NPEPL1: variants seen among roughly 807,000 people sequenced by gnomAD.
The protein encoded by NPEPL1 is aminopeptidase like 1, also known as probable aminopeptidase NPEPL1.
Under a neutral mutation model 52.4 loss-of-function variants are expected in NPEPL1, and 45 were observed. That is an observed-to-expected ratio of 0.86 (90% CI 0.68 to 1.10). NPEPL1 has a LOEUF of 1.10. Ranked by LOEUF, NPEPL1 falls within the 50% of genes least tolerant of loss-of-function variation. NPEPL1 has a pLI of 0.00. For missense variants in NPEPL1, 696 were observed against 710.9 expected (o/e 0.98, Z 0.24); for synonymous variants, 360 against 314.7 (o/e 1.14, Z -1.52).
chr20:58,712,179 G>C (rs2084862282), intron 7 of NPEPL1, among the ~76,000 whole-genome samples: 1 of 152,170 alleles, frequency 6.6e-6, no homozygotes, highest in East Asian at 1.9e-4. Context: ...GGTTGGCGAG[G>C]CTTCATGACT....
At chr20:58,714,712 C>T (rs1454682600) in intron 11 of NPEPL1, 42 bp downstream of exon 11, 8 of 1,471,452 alleles carry the variant, frequency 5.4e-6, no homozygotes, top group African/African-American at 2.8e-5. Context: ...TGCTCCCGCC[C>T]GCTTGTCCAA....
chr20:58,710,691 G>C lies in NPEPL1; in HGVS notation c.901-1788G>C, dbSNP rs141100454. 3.3e-3 allele frequency: 507 copies of C among 152,588 alleles called. 3 individuals are homozygous for C. Among genetic ancestry groups the C allele is most frequent in the African/African-American group, 0.012 (481 of 41,594 alleles). 9.5% of individuals were successfully genotyped at this position (152,588 alleles called of 1,614,324 possible). A position where few individuals can be genotyped will look rare whatever the true frequency, so the allele number is the denominator to read the frequency against. Reference sequence around the variant, plus strand: ...AACTGTGCCAGGTAACACCCAGGAAGTGTGTGAACATTGACAGCTCCAGGG... The same window carrying C: ...AACTGTGCCAGGTAACACCCAGGAACTGTGTGAACATTGACAGCTCCAGGG... On this transcript the variant is annotated intron_variant, in intron 7 of 11. Transcript: ENST00000356091.
chr20:58,697,399 G>C (rs907122042), intron 3 of NPEPL1, among the ~76,000 whole-genome samples: 4 of 152,234 alleles, frequency 2.6e-5, no homozygotes, highest in African/African-American at 7.2e-5. Context: ...GTCCCCACAT[G>C]CCCTCACAGA....
rs2084548084 is a variant in NPEPL1 at position 58,698,830 on chromosome 20, C to T, written c.597+57C>T. ...CAGGCTGGGGTGGGTGTCATAGACT[C>T]CCAGGAGAGCCAGAGGAAACCTGGG... On this transcript the variant is annotated intron_variant, in intron 4 of 11. Transcript: ENST00000356091. The T allele has an allele frequency of 3.5e-6, 5 of 1,434,040 alleles. No individual in the cohort carries two copies. The Admixed American group carries it at 5.2e-5, about 15-fold the overall frequency. 88.8% of individuals were successfully genotyped at this position (1,434,040 alleles called of 1,614,324 possible). A position where few individuals can be genotyped will look rare whatever the true frequency, so the allele number is the denominator to read the frequency against.
chr20:58,702,129 C>T lies in NPEPL1; in HGVS notation c.822+971C>T, dbSNP rs927421006. The stretch of plus-strand genomic sequence containing the variant: ...GCAAACTAGCAGCCTGCAAGGCTCA[C>T]GGAGGCCTGGCATTTTTAAAATTTG... On this transcript the variant is annotated intron_variant, in intron 6 of 11. Coordinates refer to ENST00000356091, the MANE Select transcript of NPEPL1 (RefSeq NM_024663.4). 3.2e-4 allele frequency among the ~76,000 whole-genome samples: 49 copies of T among 152,242 alleles called. 1 individual carries two copies. The highest frequency in any genetic ancestry group is 9.4e-4 in the African/African-American group (39 of 41,464).
At chr20:58,692,142 AG>A (rs1555847619), upstream of NPEPL1, 3 of 406,800 alleles carry the variant, frequency 7.4e-6, no homozygotes, top group Non-Finnish European at 1.3e-5. The surrounding 1 kb of genome is among the most constrained non-coding windows in gnomAD (Gnocchi z 5.7). Context: ...CCATGCAGCC[AG>A]GCAGTGCCTG....
In NPEPL1 at chr20:58,701,055, C is replaced by G. The variant is rs781649273; in HGVS notation, c.719C>G (p.Ala240Gly). The G allele has an allele frequency of 1.3e-6, 2 of 1,596,092 alleles. No homozygotes were observed. The highest frequency in any genetic ancestry group is 2.3e-5 in the South Asian group (2 of 87,448). Residue 240 changes from alanine to glycine, a missense_variant, in exon 6 of 12, where the codon GCC (alanine) becomes GGC (glycine). Physicochemically the swap from Ala to Gly is moderately conservative, Grantham distance 60 (BLOSUM62 0). Coordinates refer to ENST00000356091, the MANE Select transcript of NPEPL1 (RefSeq NM_024663.4). ...GVGKAALHPP[A>G]LAVLSHTPDG... ...GGCAAAGCCGCCCTGCATCCCCCAG[C>G]CCTGGCCGTCCTCAGCCACACCCCA... is the stretch of plus-strand genomic sequence containing the variant.
At chr20:58,703,938 G>C in intron 6 of NPEPL1, 1 of 985,374 alleles carries the variant, frequency 1.0e-6, no homozygotes, top group Non-Finnish European at 1.2e-6. Context: ...ATAATACCAG[G>C]AAGAGCTGGG....
At position 58,707,292 on chromosome 20, in the gene NPEPL1, C is replaced by A. The variant is rs367828996; in HGVS notation, c.900+92C>A. 1.5e-3 allele frequency: 1,772 copies of A among 1,183,446 alleles called. 37 individuals are homozygous for A. In the South Asian group the frequency reaches 0.022, roughly 15 times the overall value. The allele number at this position is 1,183,446 out of a possible 1,614,324, so 73.3% of individuals were successfully genotyped here. A position where few individuals can be genotyped will look rare whatever the true frequency, so the allele number is the denominator to read the frequency against. ...CCTGTCCGTCCCGCCACAGGCCCCA[C>A]CAGGGTCCTACCCGAGTCTCCCCAG... is the stretch of plus-strand genomic sequence containing the variant. On this transcript the variant is annotated intron_variant, in intron 7 of 11. Transcript: ENST00000356091.
chr20:58,713,335 A>C lies in NPEPL1; in HGVS notation c.1002-85A>C. On this transcript the variant is annotated intron_variant, in intron 8 of 11. Transcript: ENST00000356091. This position sits in a 1 kb window ranked among gnomAD's most constrained non-coding sequence, Gnocchi z 4.6. The stretch of plus-strand genomic sequence containing the variant: ...GGAGCCACAGGGATGGGCAGCTCCA[A>C]ATGGGGTCTCCCCAGTTTCAAAGGG... 2.7e-6 allele frequency: 4 copies of C among 1,471,476 alleles called. No individual in the cohort carries two copies. The highest frequency in any genetic ancestry group is 3.6e-6 in the Non-Finnish European group (4 of 1,101,456). 91.2% of individuals were successfully genotyped at this position (1,471,476 alleles called of 1,614,324 possible).
chr20:58,711,893 G>A (rs572752935), intron 7 of NPEPL1, among the ~76,000 whole-genome samples: 1 of 152,376 alleles, frequency 6.6e-6, no homozygotes, highest in East Asian at 1.9e-4. Context: ...GGAAGGGCAG[G>A]GACAGGGGTC....
chr20:58,701,676 G>A (rs988599221), intron 6 of NPEPL1, among the ~76,000 whole-genome samples: 1 of 152,164 alleles, frequency 6.6e-6, no homozygotes, highest in East Asian at 1.9e-4. Context: ...CCCGAGAAGA[G>A]AAGGGCAAGG....
chr20:58,715,065 C>T (rs1352057081), intron 11 of NPEPL1, 103 bp from the exon 12 acceptor site: 2 of 1,283,078 alleles, frequency 1.6e-6, no homozygotes, highest in Admixed American at 5.2e-5. Flanking sequence ...GAGAAGGGGA[C>T]TGTGGGGCAC....
intron 6 of NPEPL1, among the ~76,000 whole-genome samples, chr20:58,701,372 TGG>T (rs1168241468): frequency 4.6e-4 from 5 of 10,904 alleles, no homozygotes; most frequent in African/African-American, 1.7e-3. Context: ...CAGGGTGCCC[TGG>T]GGGGGGGGGA....
At chr20:58,707,277 C>A in intron 7 of NPEPL1, 77 bp downstream of exon 7, 3 of 1,269,736 alleles carry the variant, frequency 2.4e-6, no homozygotes, top group Non-Finnish European at 3.3e-6. Context: ...CCTGTCCGTC[C>A]CGCCACAGGC....
At position 58,694,475 on chromosome 20, in the gene NPEPL1, C is replaced by T. The variant is rs1470514626; in HGVS notation, c.390C>T (p.Ala130=). Residue 130 remains alanine (A), a synonymous_variant, in exon 3 of 12, where the codon GCC becomes GCT. Transcript: ENST00000356091. ...VFASACALAR[A]FPLFTHRSGA... ...CTTCCGCCTGTGCCCTGGCCCGGGC[C>T]TTCCCGCTGTTCACCCACCGCTCAG... 4 of 1,613,930 alleles carry T rather than the reference C, an allele frequency of 2.5e-6. No individual in the cohort carries two copies. The highest frequency in any genetic ancestry group is 2.5e-6 in the Non-Finnish European group (3 of 1,179,864).
At chr20:58,704,215 G>A (rs2084693416) in intron 6 of NPEPL1, 1 of 985,238 alleles carries the variant, frequency 1.0e-6, no homozygotes, top group African/African-American at 1.7e-5. Flanking sequence ...TGCCTGTAGA[G>A]CAAATGGTGC....
intron 8 of NPEPL1, 112 bp downstream of exon 8, chr20:58,712,691 C>T (rs928680852): frequency 1.2e-6 from 1 of 803,044 alleles, no homozygotes. Flanking sequence ...GCGTTGGGGT[C>T]CCCTGGGCAG....
chr20:58,698,511 C>T (rs1004728842), intron 3 of NPEPL1, among the ~76,000 whole-genome samples, 173 bp from the exon 4 acceptor site: 5 of 152,048 alleles, frequency 3.3e-5, no homozygotes, highest in Admixed American at 1.3e-4. Flanking sequence ...CCCTGGGTTG[C>T]TGGGGGTGGG....
Sources: allele counts gnomAD v4.1 joint callset (sites outside exome capture counted in the v4.1 genomes callset), GRCh38; gene constraint gnomAD v4.1.1; non-coding constraint Gnocchi (gnomAD v3.1); transcripts MANE v1.5; gene names NCBI Gene and HGNC (gene_info 2026-07-23, HGNC 2026-07-21).